The following SLC8A1 variants were observed in gnomAD, a reference collection of about 807,000 sequenced individuals.
The protein encoded by SLC8A1 is sodium/calcium exchanger 1.
Under a neutral mutation model 68.3 loss-of-function variants are expected in SLC8A1, and 18 were observed. The observed-to-expected ratio is 0.26, with a 90% CI of 0.18 to 0.39. The LOEUF (loss-of-function observed/expected upper bound fraction) is 0.39, where lower values mean the gene tolerates loss of function less well. Among genes scored for constraint, SLC8A1 ranks in the 10% least tolerant of loss-of-function variants. The pLI, the probability that SLC8A1 is intolerant of heterozygous loss-of-function variation, is 1.00. For synonymous variants in SLC8A1, 475 were observed against 415.5 expected (o/e 1.14, Z -1.74); for missense variants, 985 against 1,156.7 (o/e 0.85, Z 2.15).
chr2:40,419,417 A>G (rs1381287765), intron 2 of SLC8A1, among the ~76,000 whole-genome samples: 1 of 152,124 alleles, frequency 6.6e-6, no homozygotes, highest in Non-Finnish European at 1.5e-5. Context: ...TTTTAGTCAC[A>G]GCAGAAATCT....
At chr2:40,109,627 TC>T (rs1483260028) in exon 8 of SLC8A1, 1 of 152,204 alleles carries the variant, frequency 6.6e-6, no homozygotes, top group Non-Finnish European at 1.5e-5. Context: ...ATAAGCTCTT[TC>T]CCTATTGCCG....
At chr2:40,295,811 A>T (rs2070264907) in intron 2 of SLC8A1, among the ~76,000 whole-genome samples, 3 of 152,198 alleles carry the variant, frequency 2.0e-5, no homozygotes, top group African/African-American at 7.2e-5. Context: ...ATCCACAAAT[A>T]ATCTACAATT....
chr2:40,386,460 C>A (rs1417484489), intron 2 of SLC8A1, among the ~76,000 whole-genome samples: 2 of 150,302 alleles, frequency 1.3e-5, no homozygotes, highest in African/African-American at 2.5e-5. Context: ...TTAATCTCAC[C>A]AAAGAATGAA....
At chr2:40,253,054 T>A (rs969816107) in intron 2 of SLC8A1, among the ~76,000 whole-genome samples, 1 of 135,960 alleles carries the variant, frequency 7.4e-6, no homozygotes, top group Non-Finnish European at 1.6e-5. Context: ...TATGTATATA[T>A]GTACATGTAT....
intron 2 of SLC8A1, among the ~76,000 whole-genome samples, chr2:40,226,480 A>G (rs557160206): frequency 1.3e-5 from 2 of 152,284 alleles, no homozygotes; most frequent in East Asian, 3.9e-4. Flanking sequence ...TAGAATGCCA[A>G]GGCACTTGAG....
chr2:40,303,524 T>C (rs1325121799), intron 2 of SLC8A1, among the ~76,000 whole-genome samples: 2 of 152,228 alleles, frequency 1.3e-5, no homozygotes, highest in African/African-American at 2.4e-5. Context: ...TTGTCTTTCT[T>C]GGACCATCTC....
upstream of SLC8A1, among the ~76,000 whole-genome samples, chr2:40,454,987 TC>T (rs1702915779): frequency 6.6e-6 from 1 of 152,188 alleles, no homozygotes; most frequent in South Asian, 2.1e-4. Flanking sequence ...ATTGCAGTCT[TC>T]CATATTGATT....
intron 4 of SLC8A1, 105 bp downstream of exon 6, chr2:40,174,601 T>C: frequency 9.5e-7 from 1 of 1,051,252 alleles, no homozygotes. Context: ...GAGCACACCA[T>C]GTGCCACAGT....
chr2:40,498,049 T>C (rs1705823555), intron 1 of SLC8A1, among the ~76,000 whole-genome samples: 1 of 152,016 alleles, frequency 6.6e-6, no homozygotes, highest in Non-Finnish European at 1.5e-5. Context: ...TGGTGTGTTG[T>C]GGACACTTAA....
At chr2:40,129,828 T>A (rs757248917) in intron 7 of SLC8A1, among the ~76,000 whole-genome samples, 1 of 152,198 alleles carries the variant, frequency 6.6e-6, no homozygotes, top group Non-Finnish European at 1.5e-5. Flanking sequence ...AAGGCCTAGA[T>A]AGAATAGAAT....
chr2:40,255,995 G>C (rs1011188344), intron 2 of SLC8A1, among the ~76,000 whole-genome samples: 3 of 152,204 alleles, frequency 2.0e-5, no homozygotes, highest in Admixed American at 6.5e-5. Context: ...CTGCAAACTA[G>C]AAGAGCAATG....
At chr2:40,225,289 GAAATGATA>G (rs2058829811) in intron 2 of SLC8A1, among the ~76,000 whole-genome samples, 1 of 152,088 alleles carries the variant, frequency 6.6e-6, no homozygotes, top group South Asian at 2.1e-4. Flanking sequence ...TTGTATAGTG[GAAATGATA>G]AAATGATAAA....
chr2:40,138,829 T>C (rs1158767641), intron 7 of SLC8A1, among the ~76,000 whole-genome samples: 2 of 152,202 alleles, frequency 1.3e-5, no homozygotes, highest in Non-Finnish European at 2.9e-5. Flanking sequence ...AAGGAATGCA[T>C]GAAGGGATGT....
Position 40,497,506 on chromosome 2 carries a change from G to T in SLC8A1, c.-25+14843C>A, listed in dbSNP as rs548995047. On this transcript the variant is annotated intron_variant, in intron 1 of 7. Coordinates refer to the SLC8A1 transcript ENST00000402441. ...AAAGGGAAAATATAAATCAGTATTGGGTAAGGGGGAGTTGAGCCTCACAGA... is the reference window on the plus strand; with the variant it reads ...AAAGGGAAAATATAAATCAGTATTGTGTAAGGGGGAGTTGAGCCTCACAGA... Among the ~76,000 whole-genome samples, 69 of 152,104 alleles carry T rather than the reference G, an allele frequency of 4.5e-4. 1 individual carries two copies. Among genetic ancestry groups the T allele is most frequent in the African/African-American group, 1.6e-3 (66 of 41,528 alleles).
chr2:40,167,548 C>CTTA (rs2046755656), intron 4 of SLC8A1, among the ~76,000 whole-genome samples: 1 of 152,144 alleles, frequency 6.6e-6, no homozygotes, highest in Non-Finnish European at 1.5e-5. Context: ...ATAGTGTTAA[C>CTTA]TTATTTCATA....
intron 2 of SLC8A1, among the ~76,000 whole-genome samples, chr2:40,415,981 G>C (rs933957364): frequency 5.6e-4 from 82 of 147,738 alleles, no homozygotes; most frequent in African/African-American, 2.0e-3. Flanking sequence ...AGAATTGCTT[G>C]AACCCGGGAG....
intron 2 of SLC8A1, among the ~76,000 whole-genome samples, chr2:40,367,414 G>T (rs1224927771): frequency 7.2e-5 from 11 of 151,902 alleles, no homozygotes; most frequent in East Asian, 1.9e-4. Context: ...TGCATCCATG[G>T]TATCGCTACA....
At chr2:40,205,914 T>G (rs1383138966) in intron 2 of SLC8A1, among the ~76,000 whole-genome samples, 1 of 151,884 alleles carries the variant, frequency 6.6e-6, no homozygotes, top group East Asian at 1.9e-4. Flanking sequence ...AGGGATCACG[T>G]TTTCCTACCT....
At chr2:40,291,420 C>T (rs1175836249) in intron 2 of SLC8A1, among the ~76,000 whole-genome samples, 2 of 151,902 alleles carry the variant, frequency 1.3e-5, no homozygotes, top group African/African-American at 2.4e-5. Context: ...AGATAAGTTC[C>T]CCTGCTCATA....
Sources: gnomAD v4.1 joint callset for allele counts (sites outside exome capture counted in the v4.1 genomes callset) on GRCh38, gnomAD v4.1.1 for gene constraint, MANE v1.5 for transcripts, NCBI Gene and HGNC (gene_info 2026-07-23, HGNC 2026-07-21) for gene names.